The following CMSS1 variants were observed in gnomAD, a reference collection of about 807,000 sequenced individuals.
CMSS1 encodes the protein protein CMSS1.
CMSS1 carries 33 observed loss-of-function variants against 43.5 expected under a neutral mutation model. The observed-to-expected ratio is 0.76, with a 90% confidence interval of 0.57 to 1.01. The LOEUF is 1.01. CMSS1 is among the 50% of genes least tolerant of loss of function. The pLI, the probability that CMSS1 is intolerant of heterozygous loss-of-function variation, is 0.00. For synonymous variants in CMSS1, 115 were observed against 117.2 expected, an observed-to-expected ratio of 0.98 and a Z score of 0.12; for missense variants, 313 against 326.4, an observed-to-expected ratio of 0.96 and a Z score of 0.32.
chr3:100,048,835 T>TA (rs935298352), intron 1 of CMSS1, among the ~76,000 whole-genome samples: 8 of 151,770 alleles, frequency 5.3e-5, no homozygotes, highest in East Asian at 1.9e-4. Context: ...TTTTACTCTT[T>TA]AAAAAAAAAT....
chr3:100,072,609 A>C (rs746738024), intron 1 of CMSS1, among the ~76,000 whole-genome samples: 4 of 152,134 alleles, frequency 2.6e-5, no homozygotes, highest in Non-Finnish European at 5.9e-5. Context: ...CCCACCTCCA[A>C]TCCCCAGCTG....
chr3:99,828,045 C>T (rs1175475234), intron 1 of CMSS1, among the ~76,000 whole-genome samples: 1 of 152,220 alleles, frequency 6.6e-6, no homozygotes, highest in African/African-American at 2.4e-5. Context: ...CTTCAACATA[C>T]AACGTATTTT....
At chr3:99,836,646 C>T (rs994302463) in intron 1 of CMSS1, among the ~76,000 whole-genome samples, 1 of 152,192 alleles carries the variant, frequency 6.6e-6, no homozygotes, top group South Asian at 2.1e-4. Context: ...GTGCCCACAT[C>T]CTCTGCACAA....
chr3:99,850,367 T>C, intron 1 of CMSS1: 4 of 1,612,944 alleles, frequency 2.5e-6, no homozygotes, highest in Non-Finnish European at 3.4e-6. Context: ...TCTTGTTTGC[T>C]TTTGTTGAAA....
chr3:100,082,479 C>T (rs2107408244), intron 1 of CMSS1, among the ~76,000 whole-genome samples: 1 of 152,118 alleles, frequency 6.6e-6, no homozygotes, highest in East Asian at 1.9e-4. Flanking sequence ...CTATTTTCTT[C>T]TATCAGTGAG....
At chr3:99,830,492 G>A (rs1448921742) in intron 1 of CMSS1, 1 of 456,688 alleles carries the variant, frequency 2.2e-6, no homozygotes, top group East Asian at 6.9e-5. Flanking sequence ...AGCCATTTTG[G>A]TAAATAGGCT....
chr3:99,916,390 C>A (rs1706950966), intron 1 of CMSS1, among the ~76,000 whole-genome samples: 1 of 151,588 alleles, frequency 6.6e-6, no homozygotes, highest in Non-Finnish European at 1.5e-5. Flanking sequence ...CATGCAACTG[C>A]CCAGCCTTCA....
intron 1 of CMSS1, among the ~76,000 whole-genome samples, chr3:99,959,269 C>T (rs923165387): frequency 1.6e-4 from 25 of 152,168 alleles, no homozygotes; most frequent in African/African-American, 5.3e-4. Flanking sequence ...CATGCCTCAG[C>T]CTCCTGAGTA....
At chr3:99,962,185 G>A (rs184039921) in intron 1 of CMSS1, among the ~76,000 whole-genome samples, 33 of 152,266 alleles carry the variant, frequency 2.2e-4, no homozygotes, top group Admixed American at 2.0e-3. Flanking sequence ...TGAGTTCAGG[G>A]AAGTGAGGGT....
intron 1 of CMSS1, among the ~76,000 whole-genome samples, chr3:100,052,233 C>T (rs1389734921): frequency 6.6e-6 from 1 of 152,220 alleles, no homozygotes; most frequent in African/African-American, 2.4e-5. Context: ...GTGGGCTATA[C>T]TAATACACTC....
rs1427340832 is a variant in CMSS1, at chr3:99,885,034, G to A, written c.64+66991G>A. Among the ~76,000 whole-genome samples the A allele has an allele frequency of 5.3e-5, 8 of 152,180 alleles. No homozygotes were observed. In the East Asian group the frequency reaches 1.5e-3, roughly 29 times the overall value. ...CTGTTCTGACAGCCTGTGGACTTGA[G>A]GGAAAAAACTGCAGGAGCAGAGTTT... On this transcript the variant is annotated intron_variant, in intron 1 of 9. Coordinates refer to ENST00000421999, the MANE Select transcript of CMSS1 (RefSeq NM_032359.4).
intron 1 of CMSS1, among the ~76,000 whole-genome samples, chr3:100,125,525 C>T (rs1422870361): frequency 2.6e-5 from 4 of 152,204 alleles, no homozygotes; most frequent in Admixed American, 2.6e-4. Flanking sequence ...AAGTAATTAG[C>T]AGGCAGAATT....
At chr3:99,929,701 C>T (rs547223443) in intron 1 of CMSS1, among the ~76,000 whole-genome samples, 1 of 152,232 alleles carries the variant, frequency 6.6e-6, no homozygotes, top group African/African-American at 2.4e-5. Context: ...TTTTAACTTT[C>T]CTATTGAACT....
At chr3:99,972,857 A>C (rs1471237388) in intron 1 of CMSS1, among the ~76,000 whole-genome samples, 2 of 152,216 alleles carry the variant, frequency 1.3e-5, no homozygotes, top group Non-Finnish European at 2.9e-5. Flanking sequence ...TGGCTTTGGA[A>C]CTTTTTCTTT....
chr3:100,062,093 C>CTTCTTTTTTTTT (rs2065577734), intron 1 of CMSS1, among the ~76,000 whole-genome samples: 1 of 53,154 alleles, frequency 1.9e-5, no homozygotes, highest in African/African-American at 8.9e-5. Flanking sequence ...CTGTCTTCTT[C>CTTCTTTTTTTTT]TTTTTTTTTT....
intron 1 of CMSS1, among the ~76,000 whole-genome samples, chr3:99,882,791 A>C (rs1705771350): frequency 6.6e-6 from 1 of 152,238 alleles, no homozygotes; most frequent in Non-Finnish European, 1.5e-5. Context: ...TACTAACTGC[A>C]AAACTAATTT....
At chr3:99,876,189 C>T (rs1054247788) in intron 1 of CMSS1, 1 of 985,410 alleles carries the variant, frequency 1.0e-6, no homozygotes, top group Middle Eastern at 5.2e-4. Flanking sequence ...GGGCGCTGAG[C>T]GCGCCCGGCC....
intron 1 of CMSS1, among the ~76,000 whole-genome samples, chr3:99,885,085 A>T (rs947550133): frequency 9.9e-5 from 15 of 152,234 alleles, no homozygotes; most frequent in African/African-American, 3.6e-4. Context: ...CTATAGGCTC[A>T]GTCACTTCTT....
intron 1 of CMSS1, among the ~76,000 whole-genome samples, chr3:99,887,048 G>A (rs534882911): frequency 2.6e-5 from 4 of 151,562 alleles, no homozygotes; most frequent in Non-Finnish European, 4.4e-5. Context: ...GAGGTGGGTG[G>A]ATCACCTGAG....
Sources: allele counts gnomAD v4.1 joint callset (sites outside exome capture counted in the v4.1 genomes callset), GRCh38; gene constraint gnomAD v4.1.1; transcripts MANE v1.5; gene names NCBI Gene and HGNC (gene_info 2026-07-23, HGNC 2026-07-21).